Variants in ROBO1 observed in about 807,000 individuals in gnomAD.
ROBO1 encodes roundabout guidance receptor 1, also known as roundabout homolog 1.
ROBO1 carries 149 observed loss-of-function variants against 195.9 expected under a neutral mutation model. The ratio of observed to expected loss-of-function variants is 0.76; its 90% confidence interval spans 0.67 to 0.87. ROBO1 has a LOEUF of 0.87. Ranked by LOEUF, ROBO1 falls within the 40% of genes least tolerant of loss-of-function variation. ROBO1 has a pLI of 0.00. For missense variants in ROBO1, 1,933 were observed against 2,068.3 expected (o/e 0.93, Z 1.27); for synonymous variants, 816 against 733.2 (o/e 1.11, Z -1.82).
chr3:79,137,218 G>A (rs2080427575), intron 2 of ROBO1, among the ~76,000 whole-genome samples: 1 of 151,964 alleles, frequency 6.6e-6, no homozygotes. Flanking sequence ...CAAACAAAAT[G>A]TTTAGTGACT....
At chr3:79,735,870 CAAAAAAAAAAA>C (rs1220855864) in intron 1 of ROBO1, among the ~76,000 whole-genome samples, 1 of 70,780 alleles carries the variant, frequency 1.4e-5, no homozygotes, top group African/African-American at 5.7e-5. Context: ...GACTCCGTCT[CAAAAAAAAAAA>C]AAAAACAAAA....
At position 79,641,174 on chromosome 3, in the gene ROBO1, A is replaced by C. The variant is rs141366638; in HGVS notation, c.-50-51213T>G. On this transcript the variant is annotated intron_variant, in intron 1 of 30. Transcript: ENST00000464233. ...TTCCTCAAACTTTCTACTGTCCCAG[A>C]GTAATGAGGTAGAGTATCTGATTAG... Among the ~76,000 whole-genome samples, 938 of 152,270 alleles carry C rather than the reference A, an allele frequency of 6.2e-3. 12 individuals are homozygous for C. Among genetic ancestry groups the C allele is most frequent in the African/African-American group, 0.022 (898 of 41,568 alleles).
At chr3:78,602,571 T>C (rs1703240043) in intron 29 of ROBO1, among the ~76,000 whole-genome samples, 1 of 152,216 alleles carries the variant, frequency 6.6e-6, no homozygotes, top group African/African-American at 2.4e-5. Context: ...TCACAGATTA[T>C]AACCCTTTCT....
At chr3:79,183,820 G>T (rs2081388456) in intron 2 of ROBO1, among the ~76,000 whole-genome samples, 1 of 152,148 alleles carries the variant, frequency 6.6e-6, no homozygotes, top group Non-Finnish European at 1.5e-5. Flanking sequence ...AGTTATTAGA[G>T]ATATAACATT....
At chr3:79,525,360 G>T (rs1023509168) in intron 2 of ROBO1, among the ~76,000 whole-genome samples, 2 of 149,224 alleles carry the variant, frequency 1.3e-5, no homozygotes, top group African/African-American at 4.9e-5. Flanking sequence ...AACACTCATT[G>T]TACTGATTGT....
intron 1 of ROBO1, among the ~76,000 whole-genome samples, chr3:79,633,228 G>A (rs1026238352): frequency 2.1e-4 from 31 of 149,990 alleles, no homozygotes; most frequent in African/African-American, 6.1e-4. Flanking sequence ...CTAGGCTGGA[G>A]TGCAGTACAT....
intron 2 of ROBO1, among the ~76,000 whole-genome samples, chr3:79,373,358 T>G (rs180892932): frequency 1.2e-3 from 187 of 152,292 alleles, no homozygotes; most frequent in African/African-American, 4.1e-3. Context: ...CACTTTGCCT[T>G]ATTTCTGACC....
intron 2 of ROBO1, among the ~76,000 whole-genome samples, chr3:79,535,144 T>C (rs115432707): frequency 7.6e-4 from 116 of 152,268 alleles, no homozygotes; most frequent in African/African-American, 2.7e-3. Context: ...AGTCTTCAAT[T>C]CTGATTCAAA....
chr3:79,395,867 A>T (rs1421731708), intron 2 of ROBO1, among the ~76,000 whole-genome samples: 2 of 152,062 alleles, frequency 1.3e-5, no homozygotes, highest in Non-Finnish European at 2.9e-5. Flanking sequence ...ATTTTCCAAT[A>T]TTATAAATAT....
At chr3:78,832,572 A>G (rs1320466837) in intron 4 of ROBO1, among the ~76,000 whole-genome samples, 2 of 152,186 alleles carry the variant, frequency 1.3e-5, no homozygotes, top group Non-Finnish European at 2.9e-5. Flanking sequence ...ATTAAGTGCT[A>G]ACTTTGTGCT....
intron 4 of ROBO1, among the ~76,000 whole-genome samples, chr3:78,757,455 ACT>A (rs1553721158): frequency 6.7e-6 from 1 of 148,538 alleles, no homozygotes; most frequent in Non-Finnish European, 1.5e-5. Flanking sequence ...ACACACACAC[ACT>A]CACAAACTCA....
chr3:78,686,772 T>C (rs977635465), intron 9 of ROBO1, among the ~76,000 whole-genome samples: 6 of 152,206 alleles, frequency 3.9e-5, no homozygotes, highest in Non-Finnish European at 8.8e-5. Context: ...TAGCTATCCA[T>C]CATAAAAGTT....
intron 4 of ROBO1, among the ~76,000 whole-genome samples, chr3:78,798,602 T>G (rs896726143): frequency 1.3e-5 from 2 of 152,158 alleles, no homozygotes; most frequent in East Asian, 1.9e-4. Flanking sequence ...ATTAAAATTG[T>G]TACCACATGC....
At chr3:78,840,520 A>G (rs1213305261) in intron 4 of ROBO1, among the ~76,000 whole-genome samples, 3 of 152,194 alleles carry the variant, frequency 2.0e-5, no homozygotes, top group Non-Finnish European at 4.4e-5. Flanking sequence ...TCATATTCAC[A>G]TTTTAAAGAT....
chr3:78,807,756 T>G (rs2084591460), intron 4 of ROBO1, among the ~76,000 whole-genome samples: 1 of 152,302 alleles, frequency 6.6e-6, no homozygotes, highest in East Asian at 1.9e-4. Flanking sequence ...ACACAGCACA[T>G]GCATGTGTGT....
At chr3:79,557,479 A>G (rs919509590) in intron 2 of ROBO1, among the ~76,000 whole-genome samples, 2 of 152,006 alleles carry the variant, frequency 1.3e-5, no homozygotes, top group Non-Finnish European at 2.9e-5. Context: ...TCATGCCTGT[A>G]ATCCCACCAC....
At chr3:78,832,830 G>T (rs1377489500) in intron 4 of ROBO1, among the ~76,000 whole-genome samples, 2 of 152,072 alleles carry the variant, frequency 1.3e-5, no homozygotes, top group Non-Finnish European at 1.5e-5. Flanking sequence ...AAAGGTGAGA[G>T]GAGGCACTCT....
intron 2 of ROBO1, among the ~76,000 whole-genome samples, chr3:79,267,024 A>C (rs1225076738): frequency 6.6e-6 from 1 of 151,334 alleles, no homozygotes; most frequent in African/African-American, 2.4e-5. Context: ...AAATATGTGA[A>C]CTCTATATAC....
chr3:79,469,553 A>G (rs1431776235), intron 2 of ROBO1, among the ~76,000 whole-genome samples: 1 of 152,224 alleles, frequency 6.6e-6, no homozygotes, highest in Non-Finnish European at 1.5e-5. Context: ...AGAAATCAGC[A>G]GCCGGATTTA....
Sources: gnomAD v4.1 joint callset for allele counts (sites outside exome capture counted in the v4.1 genomes callset) on GRCh38, gnomAD v4.1.1 for gene constraint, MANE v1.5 for transcripts, NCBI Gene and HGNC (gene_info 2026-07-23, HGNC 2026-07-21) for gene names.